GPRC5C: variants seen among roughly 807,000 people sequenced by gnomAD.
The protein encoded by GPRC5C is G protein-coupled receptor family C group 5 member C.
GPRC5C carries 22 observed loss-of-function variants against 31.4 expected under a neutral mutation model. The observed-to-expected ratio is 0.70, with a 90% confidence interval of 0.50 to 1.00. The LOEUF (loss-of-function observed/expected upper bound fraction) is 1.00, where lower values mean the gene tolerates loss of function less well. Ranked by LOEUF, GPRC5C falls within the 50% of genes least tolerant of loss-of-function variation. The pLI, the probability that GPRC5C is intolerant of heterozygous loss-of-function variation, is 0.00. For missense variants in GPRC5C, 557 were observed against 597.2 expected (o/e 0.93, Z 0.70); for synonymous variants, 249 against 257.5 (o/e 0.97, Z 0.32).
chr17:74,436,013 G>T (rs2055426892), intron 1 of GPRC5C, among the ~76,000 whole-genome samples: 2 of 152,048 alleles, frequency 1.3e-5, no homozygotes, highest in South Asian at 4.1e-4. Flanking sequence ...CCAACAAATC[G>T]ATTGCCTGTG....
intron 2 of GPRC5C, among the ~76,000 whole-genome samples, chr17:74,441,325 G>T (rs994941800): frequency 1.3e-5 from 2 of 152,004 alleles, no homozygotes; most frequent in Non-Finnish European, 2.9e-5. Flanking sequence ...TATAATTCAT[G>T]CATACATTCT....
chr17:74,449,515 C>G (rs1374440932), downstream of GPRC5C: 1 of 400,138 alleles, frequency 2.5e-6, no homozygotes, highest in Admixed American at 3.3e-5. Context: ...AGTGGGCCCC[C>G]GTGAAGCCCT....
At position 74,440,422 on chromosome 17, in the gene GPRC5C, G is replaced by C; in HGVS notation, c.646G>C (p.Val216Leu). The change falls in exon 2 of 4, where the codon GTC becomes CTC. Residue 216 changes from valine (V) to leucine (L), a missense_variant. By Grantham distance (32) the Val-to-Leu change is conservative (BLOSUM62 1). Transcript: ENST00000392627. The surrounding 1 kb of genome is among the most constrained non-coding windows in gnomAD (Gnocchi z 4.4). ...NMDFVMALIY[V>L]MLLLLGAFLG... Reference sequence around the variant, plus strand: ...GGACTTTGTCATGGCACTCATCTACGTCATGCTGCTGCTGCTGGGTGCCTT... The same window carrying C: ...GGACTTTGTCATGGCACTCATCTACCTCATGCTGCTGCTGCTGGGTGCCTT... 3 of 1,613,992 alleles carry C rather than the reference G, an allele frequency of 1.9e-6. No homozygotes were observed.
intron 1 of GPRC5C, among the ~76,000 whole-genome samples, chr17:74,432,888 A>G (rs1240612744): frequency 3.3e-5 from 5 of 151,634 alleles, no homozygotes; most frequent in African/African-American, 1.2e-4. Flanking sequence ...TAAAAATGGG[A>G]GAGAGTGACT....
chr17:74,442,156 CCA>C (rs952417786), intron 2 of GPRC5C, among the ~76,000 whole-genome samples: 2 of 152,262 alleles, frequency 1.3e-5, no homozygotes, highest in African/African-American at 4.8e-5. Flanking sequence ...GCACGTGCCA[CCA>C]CACCTGGCTA....
chr17:74,447,448 G>A (rs888770624), downstream of GPRC5C: 3 of 791,332 alleles, frequency 3.8e-6, no homozygotes, highest in Non-Finnish European at 4.6e-6. Context: ...CTGGGATTGT[G>A]GTTTCTGACC....
chr17:74,436,415 C>A (rs532026084), intron 1 of GPRC5C, among the ~76,000 whole-genome samples: 1 of 152,200 alleles, frequency 6.6e-6, no homozygotes, highest in South Asian at 2.1e-4. Context: ...TAAAACTCTG[C>A]GGAACAGTCT....
At chr17:74,443,506 G>A (rs2055575923) in intron 2 of GPRC5C, 1 of 518,024 alleles carries the variant, frequency 1.9e-6, no homozygotes, top group Non-Finnish European at 3.7e-6. Flanking sequence ...GGGCGGATGG[G>A]GATGTGGAAG....
At position 74,440,109 on chromosome 17, in the gene GPRC5C, C is replaced by T. The variant is rs753091198; in HGVS notation, c.333C>T (p.Pro111=). 6.3e-5 allele frequency: 101 copies of T among 1,613,958 alleles called. No individual in the cohort carries two copies. Among genetic ancestry groups the T allele is most frequent in the Non-Finnish European group, 7.9e-5 (93 of 1,180,038 alleles). The change falls in exon 2 of 4, where the codon CCC becomes CCT. Residue 111 remains proline, a synonymous_variant. Transcript: ENST00000392627. The surrounding 1 kb of genome is among the most constrained non-coding windows in gnomAD (Gnocchi z 4.4). ...FCLVFACVVK[P]DFSTCASRRF... Reference sequence around the variant, plus strand: ...TCGTGTTTGCCTGTGTGGTGAAGCCCGACTTCTCCACCTGTGCCTCTCGGC... The same window carrying T: ...TCGTGTTTGCCTGTGTGGTGAAGCCTGACTTCTCCACCTGTGCCTCTCGGC...
intron 1 of GPRC5C, among the ~76,000 whole-genome samples, chr17:74,436,942 G>A (rs181412343): frequency 3.0e-4 from 46 of 152,152 alleles, no homozygotes; most frequent in South Asian, 2.9e-3. Flanking sequence ...TGTTGTTGTC[G>A]TTGTTGTTTT....
rs534276038 is a variant in GPRC5C, at chr17:74,439,488, A to G, written c.-32-257A>G. 4.7e-4 allele frequency among the ~76,000 whole-genome samples: 71 copies of G among 152,316 alleles called. No homozygotes were observed. The South Asian group carries it at 5.6e-3, about 12-fold the overall frequency. ...GGTTATGTTTGGTGGAAGGGAGGGA[A>G]CTGAAAATTCAATGACAGGTTTTTC... On this transcript the variant is annotated intron_variant, in intron 1 of 3. Transcript: ENST00000392627.
rs374834578 is a variant in GPRC5C at position 74,440,317 on chromosome 17, C to T, written c.541C>T (p.Arg181Trp). 21 of 1,614,194 alleles carry T rather than the reference C, an allele frequency of 1.3e-5. No individual in the cohort carries two copies. In the Middle Eastern group the frequency reaches 9.9e-4, roughly 76 times the overall value. Residue 181 changes from arginine (R) to tryptophan (W), a missense_variant, in exon 2 of 4, where the codon CGG (arginine) becomes TGG (tryptophan). Arg to Trp is a moderately radical substitution (Grantham distance 101). Transcript: ENST00000392627. This position sits in a 1 kb window ranked among gnomAD's most constrained non-coding sequence, Gnocchi z 4.4. ...NTEWLIITLV[R>W]GSGEGGPQGN... is the part of the protein sequence containing the mutation. Reference sequence around the variant, plus strand: ...AGAGTGGCTGATCATCACCCTGGTTCGGGGCAGTGGCGAGGGCGGCCCTCA... The same window carrying T: ...AGAGTGGCTGATCATCACCCTGGTTTGGGGCAGTGGCGAGGGCGGCCCTCA...
At chr17:74,449,230 G>C (rs546486433), downstream of GPRC5C, 1 of 506,974 alleles carries the variant, frequency 2.0e-6, no homozygotes, top group African/African-American at 2.1e-5. Flanking sequence ...TGCTCAGATT[G>C]CATTAGCCTC....
At chr17:74,442,182 T>C (rs1379159957) in intron 2 of GPRC5C, among the ~76,000 whole-genome samples, 1 of 152,102 alleles carries the variant, frequency 6.6e-6, no homozygotes, top group Non-Finnish European at 1.5e-5. Context: ...TTTGTATTTT[T>C]AATAGAGACG....
chr17:74,436,321 C>G (rs2055430596), intron 1 of GPRC5C, among the ~76,000 whole-genome samples: 1 of 152,198 alleles, frequency 6.6e-6, no homozygotes, highest in African/African-American at 2.4e-5. Context: ...AGTCCTTCCT[C>G]ACATTCTTCA....
At chr17:74,449,247 A>G, downstream of GPRC5C, 1 of 626,212 alleles carries the variant, frequency 1.6e-6, no homozygotes, top group Non-Finnish European at 2.6e-6. Context: ...CCTCCTGGGG[A>G]CTGAAACACT....
At chr17:74,438,569 TTG>T (rs942453667) in intron 1 of GPRC5C, among the ~76,000 whole-genome samples, 2 of 151,884 alleles carry the variant, frequency 1.3e-5, no homozygotes, top group African/African-American at 4.8e-5. Context: ...CTGCTAATTT[TTG>T]TGTTTTTTAT....
At chr17:74,432,654 G>T in intron 1 of GPRC5C, 1 of 342,386 alleles carries the variant, frequency 2.9e-6, no homozygotes, top group Non-Finnish European at 4.1e-6. Flanking sequence ...CCGCTCGGTC[G>T]CTGAAAGTTT....
chr17:74,447,313 G>A lies in GPRC5C; in HGVS notation c.*285G>A, dbSNP rs895754808. 5 of 1,170,204 alleles carry A rather than the reference G, an allele frequency of 4.3e-6. No homozygotes were observed. The highest frequency in any genetic ancestry group is 1.6e-5 in the African/African-American group (1 of 63,430). The allele number at this position is 1,170,204 out of a possible 1,614,324, so 72.5% of individuals were successfully genotyped here. On this transcript the variant is annotated 3_prime_UTR_variant, in exon 4 of 4. Transcript: ENST00000392627. ...GTTCTCGGGGTGGTGGCTGGGCAGC[G>A]CCTATGTTTCTCTGGAGATTCCTGC...
Sources: allele counts gnomAD v4.1 joint callset (sites outside exome capture counted in the v4.1 genomes callset), GRCh38; gene constraint gnomAD v4.1.1; non-coding constraint Gnocchi (gnomAD v3.1); transcripts MANE v1.5; gene names NCBI Gene and HGNC (gene_info 2026-07-23, HGNC 2026-07-21).